Variants in GSE1 observed in about 807,000 individuals in gnomAD.
GSE1 encodes the protein Gse1 coiled-coil protein.
In GSE1, 32 loss-of-function variants were observed where a neutral mutation model predicts 112.6. The ratio of observed to expected loss-of-function variants is 0.28; its 90% CI spans 0.21 to 0.38. The LOEUF is 0.38. Among genes scored for constraint, GSE1 ranks in the 10% least tolerant of loss-of-function variants. The pLI is 1.00. For missense variants in GSE1, 2,348 were observed against 1,699.2 expected, an observed-to-expected ratio of 1.38 and a Z score of -6.71; for synonymous variants, 1,115 against 735.6, an observed-to-expected ratio of 1.52 and a Z score of -8.35.
intron 2 of GSE1, among the ~76,000 whole-genome samples, chr16:85,515,745 G>T (rs2051911340): frequency 1.3e-5 from 2 of 152,058 alleles, no homozygotes; most frequent in African/African-American, 4.8e-5. Context: ...GATGGGGTGG[G>T]GTGGAAACAC....
At chr16:85,643,347 C>A (rs1267283779) in intron 2 of GSE1, among the ~76,000 whole-genome samples, 1 of 152,170 alleles carries the variant, frequency 6.6e-6, no homozygotes, top group African/African-American at 2.4e-5. Flanking sequence ...CGCTAATGGG[C>A]CTGGCGTTGT....
Position 85,532,487 on chromosome 16 carries a change from C to T in GSE1, c.2465-101427C>T, listed in dbSNP as rs998806142. On this transcript the variant is annotated intron_variant, in intron 2 of 2. Transcript: ENST00000637419. ...TTTGTAGCCAGGCTGGCCTCAAACT[C>T]ATGGGTTCAAGCAGTCCTCCTGCCT... is the stretch of plus-strand genomic sequence containing the variant. Among the ~76,000 whole-genome samples the T allele has an allele frequency of 3.9e-5, 6 of 152,198 alleles. No homozygotes were observed. The East Asian group carries it at 9.6e-4, about 24-fold the overall frequency.
At chr16:85,663,681 G>C in intron 11 of GSE1, 67 bp downstream of exon 11, 4 of 1,466,838 alleles carry the variant, frequency 2.7e-6, no homozygotes, top group Admixed American at 1.9e-5. Flanking sequence ...GAAGCAGCAG[G>C]TGGGGCCGGT....
chr16:85,671,303 A>G (rs535946752), intron 15 of GSE1, among the ~76,000 whole-genome samples: 34 of 151,338 alleles, frequency 2.2e-4, no homozygotes, highest in Non-Finnish European at 4.3e-4. Flanking sequence ...AGCCGGGCGT[A>G]GTGGCGGGCG....
At chr16:85,542,859 G>A (rs1223256202) in intron 2 of GSE1, among the ~76,000 whole-genome samples, 1 of 152,222 alleles carries the variant, frequency 6.6e-6, no homozygotes, top group Non-Finnish European at 1.5e-5. Flanking sequence ...CTGCAATACA[G>A]GGTACTCGGT....
intron 1 of GSE1, among the ~76,000 whole-genome samples, chr16:85,189,149 C>T (rs959558977): frequency 6.6e-6 from 1 of 152,210 alleles, no homozygotes; most frequent in Non-Finnish European, 1.5e-5. Flanking sequence ...GCCTATTTTC[C>T]TGCTCCGGGG....
intron 1 of GSE1, among the ~76,000 whole-genome samples, chr16:85,264,380 C>T (rs58379548): frequency 6.6e-6 from 1 of 152,196 alleles, no homozygotes; most frequent in African/African-American, 2.4e-5. Flanking sequence ...GAGCCCTGGC[C>T]TCACGCTGGG....
chr16:85,611,603 C>T (rs911830529), upstream of GSE1: 4 of 525,988 alleles, frequency 7.6e-6, no homozygotes, highest in Non-Finnish European at 7.3e-6. Context: ...TGCCCGGAGC[C>T]TTGTGCAAGG....
Position 85,658,993 on chromosome 16 carries a change from G to A in GSE1, c.1640+1389G>A, listed in dbSNP as rs768972052. The stretch of plus-strand genomic sequence containing the variant: ...CGTGGCCTTACAGCATTGTGAACTT[G>A]GGGGCCTGACAGGGCCCTCATGCTC... On this transcript the variant is annotated intron_variant, in intron 8 of 15. Transcript: ENST00000253458. Among the ~76,000 whole-genome samples, 127 of 152,244 alleles carry A rather than the reference G, an allele frequency of 8.3e-4. 2 individuals carry two copies. Among genetic ancestry groups the A allele is most frequent in the Non-Finnish European group, 2.1e-4 (14 of 68,042 alleles).
chr16:85,605,128 T>C (rs1260498467), intron 1 of GSE1, among the ~76,000 whole-genome samples: 1 of 151,574 alleles, frequency 6.6e-6, no homozygotes, highest in Non-Finnish European at 1.5e-5. Context: ...GCTATCAGTA[T>C]CTTCACACTT....
At chr16:85,603,228 C>A (rs1185708657) in intron 1 of GSE1, among the ~76,000 whole-genome samples, 7 of 152,210 alleles carry the variant, frequency 4.6e-5, no homozygotes, top group African/African-American at 1.7e-4. Context: ...CATTGTGAAC[C>A]CCTCCATCTC....
intron 2 of GSE1, among the ~76,000 whole-genome samples, chr16:85,644,303 C>T (rs1187679311): frequency 6.7e-6 from 1 of 150,076 alleles, no homozygotes; most frequent in Non-Finnish European, 1.5e-5. Flanking sequence ...TGCACCACTG[C>T]ACTCCAGCCC....
At position 85,311,160 on chromosome 16, in the gene GSE1, G is replaced by T. The variant is rs1376549194; in HGVS notation, c.2284-46303G>T. On this transcript the variant is annotated intron_variant, in intron 1 of 2. Transcript: ENST00000637419. This position sits in a 1 kb window ranked among gnomAD's most constrained non-coding sequence, Gnocchi z 4.2. ...CTCCGTGGGCTGGTCCCAAATTCCA[G>T]AGGCCCATCGGATGCCCCTGGTTCC... Among the ~76,000 whole-genome samples the T allele has an allele frequency of 6.6e-6, 1 of 152,226 alleles. No individual in the cohort carries two copies. Among genetic ancestry groups the T allele is most frequent in the African/African-American group, 2.4e-5 (1 of 41,472 alleles).
intron 2 of GSE1, among the ~76,000 whole-genome samples, chr16:85,476,064 G>A (rs1170281616): frequency 5.3e-5 from 8 of 152,288 alleles, no homozygotes; most frequent in South Asian, 4.1e-4. Context: ...CCCAGGAGCC[G>A]GGACGACAGT....
chr16:85,666,985 G>A (rs115845727), intron 13 of GSE1, among the ~76,000 whole-genome samples: 2,301 of 152,318 alleles, frequency 0.015, 57 homozygotes, highest in African/African-American at 0.053. Flanking sequence ...ATTGTGTTAG[G>A]TATTACAAGT....
intron 1 of GSE1, among the ~76,000 whole-genome samples, chr16:85,570,441 C>G (rs186243675): frequency 6.6e-6 from 1 of 152,184 alleles, no homozygotes; most frequent in Non-Finnish European, 1.5e-5. Flanking sequence ...GTGACAAAGT[C>G]GTGGCACTTG....
intron 2 of GSE1, among the ~76,000 whole-genome samples, chr16:85,482,229 C>T (rs117331996): frequency 1.5e-4 from 23 of 152,320 alleles, no homozygotes; most frequent in Non-Finnish European, 1.5e-4. Flanking sequence ...GAGGGTCCAG[C>T]TCCAGGACCC....
intron 1 of GSE1, among the ~76,000 whole-genome samples, chr16:85,275,540 A>G (rs567291490): frequency 2.6e-4 from 40 of 152,270 alleles, no homozygotes; most frequent in South Asian, 8.3e-4. Flanking sequence ...CACCAGTGAA[A>G]AGAGAAGATT....
chr16:85,395,604 G>A (rs781755433), intron 2 of GSE1, among the ~76,000 whole-genome samples: 5 of 152,162 alleles, frequency 3.3e-5, no homozygotes, highest in Non-Finnish European at 5.9e-5. Context: ...GCCAGCCCTC[G>A]CCACAGCGGC....
Sources: gnomAD v4.1 joint callset for allele counts (sites outside exome capture counted in the v4.1 genomes callset) on GRCh38, gnomAD v4.1.1 for gene constraint, Gnocchi (gnomAD v3.1) non-coding constraint, MANE v1.5 for transcripts, NCBI Gene and HGNC (gene_info 2026-07-23, HGNC 2026-07-21) for gene names.